CD226: variants seen among roughly 807,000 people sequenced by gnomAD.
CD226 encodes CD226 antigen.
A neutral mutation model predicts 34.9 loss-of-function variants in CD226; 24 were observed. The ratio of observed to expected loss-of-function variants is 0.69; its 90% CI spans 0.50 to 0.97. The LOEUF (loss-of-function observed/expected upper bound fraction) is 0.97. Among genes scored for constraint, CD226 ranks in the 50% least tolerant of loss-of-function variants. CD226 has a pLI of 0.00. For missense variants in CD226, 397 were observed against 412.7 expected, an observed-to-expected ratio of 0.96 and a Z score of 0.33; for synonymous variants, 148 against 147.4, an observed-to-expected ratio of 1.00 and a Z score of -0.03.
At chr18:69,907,086 G>A (rs1157450032) in intron 2 of CD226, among the ~76,000 whole-genome samples, 2 of 152,126 alleles carry the variant, frequency 1.3e-5, no homozygotes, top group African/African-American at 2.4e-5. Flanking sequence ...CCTAGACTTC[G>A]CTGGATCCTG....
Position 69,855,633 on chromosome 18 carries a change from A to G in CD226, c.*8681T>C, listed in dbSNP as rs576186351. On this transcript the variant is annotated 3_prime_UTR_variant, in exon 6 of 6. Transcript: ENST00000582621. ...ACACTAAATAGAATAAATACCAAAA[A>G]AAAGAGGGGAAAAGGAGAAAAACCT... The G allele has an allele frequency of 3.3e-5, 5 of 152,268 alleles. No homozygotes were observed. The highest frequency in any genetic ancestry group is 9.6e-5 in the African/African-American group (4 of 41,554). The allele number at this position is 152,268 out of a possible 1,614,324, so 9.4% of individuals were successfully genotyped here. A position where few individuals can be genotyped will look rare whatever the true frequency, so the allele number is the denominator to read the frequency against.
intron 2 of CD226, among the ~76,000 whole-genome samples, chr18:69,919,876 CTT>C (rs113345493): frequency 5.0e-5 from 7 of 140,572 alleles, no homozygotes; most frequent in Admixed American, 7.2e-5. Flanking sequence ...TGTTGTCACT[CTT>C]TTTTTTTTTT....
At chr18:69,952,618 T>C (rs1193921586), upstream of CD226, among the ~76,000 whole-genome samples, 2 of 152,164 alleles carry the variant, frequency 1.3e-5, no homozygotes, top group East Asian at 1.9e-4. Flanking sequence ...TGGGTTGACC[T>C]AAATATAAGA....
chr18:69,935,926 A>G (rs2055647390), intron 2 of CD226, among the ~76,000 whole-genome samples: 1 of 152,206 alleles, frequency 6.6e-6, no homozygotes, highest in South Asian at 2.1e-4. Flanking sequence ...ATGGCAGCCA[A>G]TTCCACTCCC....
intron 3 of CD226, among the ~76,000 whole-genome samples, chr18:69,876,193 T>C (rs577100499): frequency 6.6e-6 from 1 of 152,318 alleles, no homozygotes; most frequent in African/African-American, 2.4e-5. Flanking sequence ...GCAAATACAG[T>C]ACCAAAAAAA....
intron 1 of CD226, 97 bp from the exon 2 acceptor site, chr18:69,947,166 G>C: frequency 9.3e-7 from 1 of 1,080,658 alleles, no homozygotes. Context: ...TGAGATCACA[G>C]TAAAGGCTGA....
At chr18:69,950,729 A>G (rs2055845807), upstream of CD226, among the ~76,000 whole-genome samples, 1 of 152,096 alleles carries the variant, frequency 6.6e-6, no homozygotes, top group African/African-American at 2.4e-5. Context: ...AGATGTAGAG[A>G]TGAGTGGGGT....
rs1982608557 is a variant in CD226 at position 69,856,321 on chromosome 18, G to C, written c.*7993C>G. 6.6e-6 allele frequency: 1 copy of C among 152,108 alleles called. No individual in the cohort carries two copies. Among genetic ancestry groups the C allele is most frequent in the Non-Finnish European group, 1.5e-5 (1 of 68,014 alleles). The allele number at this position is 152,108 out of a possible 1,614,324, so 9.4% of individuals were successfully genotyped here. A position where few individuals can be genotyped will look rare whatever the true frequency, so the allele number is the denominator to read the frequency against. The stretch of plus-strand genomic sequence containing the variant: ...AGACAAAAACTAACAAAACTGCAAG[G>C]AGAAATAGAAAAATCCACTATTTTA... On this transcript the variant is annotated 3_prime_UTR_variant, in exon 6 of 6. Coordinates refer to ENST00000582621, the MANE Select transcript of CD226 (RefSeq NM_001303618.2).
chr18:69,891,350 C>T (rs1284740042), intron 3 of CD226, among the ~76,000 whole-genome samples: 1 of 151,606 alleles, frequency 6.6e-6, no homozygotes, highest in Non-Finnish European at 1.5e-5. Context: ...CAATAAAGGC[C>T]ATCTATGAAA....
chr18:69,889,175 C>T (rs1018351718), intron 3 of CD226, among the ~76,000 whole-genome samples: 5 of 151,772 alleles, frequency 3.3e-5, no homozygotes, highest in Non-Finnish European at 5.9e-5. Flanking sequence ...CCAGTTTCAC[C>T]GAGAAAACTA....
intron 2 of CD226, among the ~76,000 whole-genome samples, chr18:69,930,382 A>C (rs2055574612): frequency 6.6e-6 from 1 of 152,176 alleles, no homozygotes; most frequent in Non-Finnish European, 1.5e-5. Context: ...AGATTTGTGA[A>C]AGGAGCAAAT....
Position 69,864,430 on chromosome 18 carries a change from T to C in CD226, c.895A>G (p.Asn299Asp), listed in dbSNP as rs1265166630. 3.1e-6 allele frequency: 5 copies of C among 1,612,978 alleles called. No homozygotes were observed. In the Admixed American group the frequency reaches 6.7e-5, roughly 22 times the overall value. ...CTGGTAGAGATGGGACTTCTATAGT[T>C]ATTGGGTGCCTAGAAAGACAAACAG... ...ESWDTQKAPN[N>D]YRSPISTSQP... The change falls in exon 6 of 6, where the codon AAC (asparagine) becomes GAC (aspartate). Residue 299 changes from asparagine (N) to aspartate (D), a missense_variant. Coordinates refer to ENST00000582621, the MANE Select transcript of CD226 (RefSeq NM_001303618.2).
chr18:69,946,796 G>A lies in CD226; in HGVS notation c.320C>T (p.Ser107Phe), dbSNP rs761166204. The A allele has an allele frequency of 1.2e-6, 2 of 1,614,066 alleles. No individual in the cohort carries two copies. The highest frequency in any genetic ancestry group is 1.7e-6 in the Non-Finnish European group (2 of 1,180,006). Residue 107 changes from serine to phenylalanine, a missense_variant, in exon 2 of 6, where the codon TCC becomes TTC. By Grantham distance (155) the Ser-to-Phe change is radical. Coordinates refer to ENST00000582621, the MANE Select transcript of CD226 (RefSeq NM_001303618.2). ...NASEDDVGYY[S>F]CSLYTYPQGT... The stretch of plus-strand genomic sequence containing the variant: ...CTGTGGGTAAGTGTAAAGAGAGCAG[G>A]AATAGTAGCCAACATCATCTTCAGA...
Position 69,854,060 on chromosome 18 carries a change from T to C in CD226, c.*10254A>G, listed in dbSNP as rs2145152862. ...CCACGATAACAAAAAACATATGTGT[T>C]AAAATGTTTATACATGGAGATCGAC... is the stretch of plus-strand genomic sequence containing the variant. On this transcript the variant is annotated 3_prime_UTR_variant, in exon 6 of 6. Coordinates refer to ENST00000582621, the MANE Select transcript of CD226 (RefSeq NM_001303618.2). The C allele has an allele frequency of 6.6e-6, 1 of 152,054 alleles. No homozygotes were observed. Among genetic ancestry groups the C allele is most frequent in the Middle Eastern group, 3.4e-3 (1 of 294 alleles). 9.4% of individuals were successfully genotyped at this position (152,054 alleles called of 1,614,324 possible). A position where few individuals can be genotyped will look rare whatever the true frequency, so the allele number is the denominator to read the frequency against.
chr18:69,873,276 T>C, intron 3 of CD226, 30 bp from the exon 4 acceptor site: 1 of 1,210,684 alleles, frequency 8.3e-7, no homozygotes, highest in Non-Finnish European at 1.2e-6. Context: ...TTGTAGGAAT[T>C]AGGAATTCAG....
chr18:69,860,776 T>C lies in CD226; in HGVS notation c.*3538A>G, dbSNP rs1982772506. On this transcript the variant is annotated 3_prime_UTR_variant, in exon 6 of 6. Transcript: ENST00000582621. ...TAGTAGCTAAACTAATGATGACATG[T>C]TTATATTGTCTTATATTTTTTAAAG... 6.6e-6 allele frequency: 1 copy of C among 152,166 alleles called. No individual in the cohort carries two copies. The allele number at this position is 152,166 out of a possible 1,614,324, so 9.4% of individuals were successfully genotyped here.
intron 3 of CD226, among the ~76,000 whole-genome samples, chr18:69,881,248 G>A (rs981385475): frequency 2.0e-5 from 3 of 152,184 alleles, no homozygotes; most frequent in African/African-American, 4.8e-5. Flanking sequence ...GGACCATAAT[G>A]AGTGAGTTCA....
intron 3 of CD226, among the ~76,000 whole-genome samples, chr18:69,887,611 A>T (rs1158633133): frequency 6.6e-6 from 1 of 152,200 alleles, no homozygotes; most frequent in Non-Finnish European, 1.5e-5. Flanking sequence ...ACTGTCCAAC[A>T]TAGCTAAAGC....
At chr18:69,930,238 G>A (rs1393856152) in intron 2 of CD226, among the ~76,000 whole-genome samples, 1 of 152,124 alleles carries the variant, frequency 6.6e-6, no homozygotes. Context: ...TGAGATAAAT[G>A]GATATGAGGT....
Sources: allele counts gnomAD v4.1 joint callset (sites outside exome capture counted in the v4.1 genomes callset), GRCh38; gene constraint gnomAD v4.1.1; transcripts MANE v1.5; gene names NCBI Gene and HGNC (gene_info 2026-07-23, HGNC 2026-07-21).